Variants in SNX29 observed in about 807,000 individuals in gnomAD.
SNX29 encodes sorting nexin-29.
A neutral mutation model predicts 102.1 loss-of-function variants in SNX29; 78 were observed. The ratio of observed to expected loss-of-function variants is 0.76; its 90% CI spans 0.64 to 0.92. SNX29 has a LOEUF of 0.92. Ranked by LOEUF, SNX29 falls within the 40% of genes least tolerant of loss-of-function variation. The pLI, the probability that SNX29 is intolerant of heterozygous loss-of-function variation, is 0.00. For missense variants in SNX29, 1,280 were observed against 1,061.7 expected (o/e 1.21, Z -2.86); for synonymous variants, 580 against 414.5 (o/e 1.40, Z -4.85).
chr16:11,982,292 G>T (rs1299753384), intron 1 of SNX29, among the ~76,000 whole-genome samples: 1 of 152,132 alleles, frequency 6.6e-6, no homozygotes, highest in Non-Finnish European at 1.5e-5. Flanking sequence ...ACTATGTAAG[G>T]AATGCTGATT....
rs1326923078 is a variant in SNX29 at position 12,096,515 on chromosome 16, A to T, written c.1402+17600A>T. Among the ~76,000 whole-genome samples, 1 of 152,226 alleles carries T rather than the reference A, an allele frequency of 6.6e-6. No individual in the cohort carries two copies. Among genetic ancestry groups the T allele is most frequent in the Non-Finnish European group, 1.5e-5 (1 of 68,030 alleles). ...GGACTAAATGAGTTCATACACAGAG[A>T]GTGCTTTGACATTGCGCTCAGCACT... On this transcript the variant is annotated intron_variant, in intron 11 of 20. Transcript: ENST00000566228. The surrounding 1 kb of genome is among the most constrained non-coding windows in gnomAD (Gnocchi z 4.2).
intron 19 of SNX29, among the ~76,000 whole-genome samples, chr16:12,491,679 T>TGC (rs1350146560): frequency 1.3e-4 from 20 of 150,820 alleles, no homozygotes; most frequent in African/African-American, 4.9e-4. Context: ...TCCCTCCCCC[T>TGC]TCCCCCAACC....
At chr16:12,441,552 T>A (rs2151672783) in intron 18 of SNX29, among the ~76,000 whole-genome samples, 1 of 152,362 alleles carries the variant, frequency 6.6e-6, no homozygotes, top group South Asian at 2.1e-4. Flanking sequence ...TGAACGTTTG[T>A]CTTCAGTTCT....
chr16:12,559,746 C>T (rs934869342), intron 20 of SNX29, among the ~76,000 whole-genome samples: 5 of 152,102 alleles, frequency 3.3e-5, no homozygotes, highest in Non-Finnish European at 7.3e-5. Context: ...ATAGTGATGC[C>T]CAGCCTGACA....
intron 11 of SNX29, among the ~76,000 whole-genome samples, chr16:12,122,168 T>C (rs1441326342): frequency 6.6e-6 from 1 of 152,188 alleles, no homozygotes; most frequent in Non-Finnish European, 1.5e-5. Context: ...GGCAAGTCAC[T>C]ATTTCAGTGT....
At chr16:12,292,589 A>C (rs1032437929) in intron 15 of SNX29, among the ~76,000 whole-genome samples, 10 of 152,178 alleles carry the variant, frequency 6.6e-5, no homozygotes, top group African/African-American at 2.2e-4. Flanking sequence ...GTGCTCTTCT[A>C]GTTGATTGTA....
At chr16:12,112,613 A>G (rs188298617) in intron 11 of SNX29, among the ~76,000 whole-genome samples, 1 of 152,202 alleles carries the variant, frequency 6.6e-6, no homozygotes. Context: ...CAAGCGGGAG[A>G]AGTGGCTTTG....
intron 19 of SNX29, among the ~76,000 whole-genome samples, chr16:12,516,481 GAAAAA>G (rs5815691): frequency 9.1e-6 from 1 of 109,544 alleles, no homozygotes. Flanking sequence ...TCCCGTCTCA[GAAAAA>G]AAAAAAAAAA....
intron 8 of SNX29, among the ~76,000 whole-genome samples, chr16:12,058,713 T>G (rs1428510104): frequency 6.6e-6 from 1 of 150,930 alleles, no homozygotes; most frequent in Non-Finnish European, 1.5e-5. Context: ...AGGCTGGTCT[T>G]GAACTCCTGA....
intron 17 of SNX29, among the ~76,000 whole-genome samples, chr16:12,401,900 CACTG>C (rs1452985570): frequency 2.0e-5 from 3 of 152,136 alleles, no homozygotes; most frequent in Non-Finnish European, 4.4e-5. Flanking sequence ...GTGGTCAATG[CACTG>C]AAAGAGAGAA....
At chr16:12,416,654 G>A (rs147491400) in intron 18 of SNX29, among the ~76,000 whole-genome samples, 39 of 152,284 alleles carry the variant, frequency 2.6e-4, no homozygotes, top group Middle Eastern at 3.4e-3. Flanking sequence ...GCATCTGCTC[G>A]GCTTCTGGGA....
intron 15 of SNX29, among the ~76,000 whole-genome samples, chr16:12,343,893 T>A (rs1232123387): frequency 6.6e-6 from 1 of 152,236 alleles, no homozygotes; most frequent in Non-Finnish European, 1.5e-5. Flanking sequence ...TTTGACCTCT[T>A]CTGTGGTTTA....
At chr16:12,361,307 A>C (rs1175333469) in intron 16 of SNX29, among the ~76,000 whole-genome samples, 2 of 152,210 alleles carry the variant, frequency 1.3e-5, no homozygotes, top group African/African-American at 4.8e-5. Flanking sequence ...CAGTGGTCCC[A>C]TTTCTTAGGA....
chr16:12,163,769 C>T (rs1002658264), intron 13 of SNX29, among the ~76,000 whole-genome samples: 23 of 152,164 alleles, frequency 1.5e-4, no homozygotes, highest in Non-Finnish European at 2.4e-4. Flanking sequence ...GCACATCCTG[C>T]GGTCTCTGTT....
intron 18 of SNX29, among the ~76,000 whole-genome samples, chr16:12,440,875 A>G (rs773573970): frequency 7.2e-5 from 11 of 152,114 alleles, no homozygotes; most frequent in Admixed American, 3.9e-4. Flanking sequence ...CGTCTTTGCT[A>G]TTGTGAATAG....
chr16:12,572,336 C>T lies in SNX29; in HGVS notation c.*3707C>T, dbSNP rs970159332. On this transcript the variant is annotated 3_prime_UTR_variant, in exon 21 of 21. Coordinates refer to ENST00000566228, the MANE Select transcript of SNX29 (RefSeq NM_032167.5). ...TGGAAACAGGAGTGAAGCCCACCAG[C>T]CTGCCTGGTTGATGGACAGCAGGCT... 53 of 1,063,142 alleles carry T rather than the reference C, an allele frequency of 5.0e-5. No individual in the cohort carries two copies. The Admixed American group carries it at 8.6e-4, about 17-fold the overall frequency. 65.9% of individuals were successfully genotyped at this position (1,063,142 alleles called of 1,614,324 possible).
intron 20 of SNX29, among the ~76,000 whole-genome samples, chr16:12,562,019 G>A (rs1451955609): frequency 6.6e-6 from 1 of 152,152 alleles, no homozygotes; most frequent in Admixed American, 6.5e-5. Flanking sequence ...AGGAGGCCTG[G>A]CCCCTCATGG....
At chr16:12,565,220 C>A (rs572000300) in intron 20 of SNX29, among the ~76,000 whole-genome samples, 1 of 152,308 alleles carries the variant, frequency 6.6e-6, no homozygotes, top group East Asian at 1.9e-4. Context: ...ACAGCATTAC[C>A]AGTATTAGGC....
At position 12,542,534 on chromosome 16, in the gene SNX29, G is replaced by A. The variant is rs539272027; in HGVS notation, c.2318+17693G>A. ...TTTAGGAGAGGCAGGGTTTCACCAC[G>A]TTGGCCAGGCTGATCTTGAACTCCT... is the stretch of plus-strand genomic sequence containing the variant. On this transcript the variant is annotated intron_variant, in intron 20 of 20. Transcript: ENST00000566228. Among the ~76,000 whole-genome samples the A allele has an allele frequency of 9.9e-5, 15 of 152,274 alleles. 1 individual carries two copies. Among genetic ancestry groups the A allele is most frequent in the South Asian group, 6.2e-4 (3 of 4,824 alleles).
Sources: allele counts gnomAD v4.1 joint callset (sites outside exome capture counted in the v4.1 genomes callset), GRCh38; gene constraint gnomAD v4.1.1; non-coding constraint Gnocchi (gnomAD v3.1); transcripts MANE v1.5; gene names NCBI Gene and HGNC (gene_info 2026-07-23, HGNC 2026-07-21).